EXOC6B: variants seen among roughly 807,000 people sequenced by gnomAD.
The protein encoded by EXOC6B is exocyst complex component 6B, also known as SEC15 homolog B.
EXOC6B carries 54 observed loss-of-function variants against 113.5 expected under a neutral mutation model. That is an observed-to-expected ratio of 0.48 (90% confidence interval 0.38 to 0.60). The LOEUF (loss-of-function observed/expected upper bound fraction) is 0.60. Among genes scored for constraint, EXOC6B ranks in the 20% least tolerant of loss-of-function variants. The pLI is 0.00. For missense variants in EXOC6B, 797 were observed against 977.5 expected (o/e 0.82, Z 2.46); for synonymous variants, 357 against 339.0 (o/e 1.05, Z -0.58).
chr2:72,664,800 T>C (rs1013616709), intron 6 of EXOC6B, among the ~76,000 whole-genome samples: 7 of 152,306 alleles, frequency 4.6e-5, no homozygotes, highest in African/African-American at 1.2e-4. Flanking sequence ...TAGCCTCTAT[T>C]GTGCAGCCTG....
intron 1 of EXOC6B, among the ~76,000 whole-genome samples, chr2:72,768,480 G>A (rs187755706): frequency 8.6e-5 from 13 of 151,558 alleles, no homozygotes; most frequent in Non-Finnish European, 1.5e-4. Flanking sequence ...CTTTCTCCCC[G>A]GCTAATTTTG....
chr2:72,724,700 T>A (rs571770520), intron 5 of EXOC6B, among the ~76,000 whole-genome samples: 58 of 152,008 alleles, frequency 3.8e-4, no homozygotes, highest in African/African-American at 1.4e-3. Flanking sequence ...TACATGTATG[T>A]AAAGAAAAAC....
chr2:72,769,618 C>G (rs543908130), intron 1 of EXOC6B, among the ~76,000 whole-genome samples: 104 of 152,302 alleles, frequency 6.8e-4, no homozygotes, highest in African/African-American at 2.4e-3. Flanking sequence ...TCGAGACCAG[C>G]CTGGCCAACA....
chr2:72,328,469 G>C (rs1347899216), intron 20 of EXOC6B, among the ~76,000 whole-genome samples: 2 of 151,946 alleles, frequency 1.3e-5, no homozygotes, highest in Non-Finnish European at 2.9e-5. Context: ...CACCTGAAGA[G>C]AGACTATGGG....
chr2:72,482,998 C>G (rs1573225822), intron 16 of EXOC6B, among the ~76,000 whole-genome samples: 1 of 152,276 alleles, frequency 6.6e-6, no homozygotes, highest in East Asian at 1.9e-4. Flanking sequence ...CATCAGCTCT[C>G]CTTTCCATTC....
At chr2:72,507,300 G>C (rs902174296) in intron 11 of EXOC6B, among the ~76,000 whole-genome samples, 2 of 152,050 alleles carry the variant, frequency 1.3e-5, no homozygotes, top group African/African-American at 4.8e-5. Flanking sequence ...GTGAGCATTT[G>C]TGGTACCAAC....
intron 20 of EXOC6B, among the ~76,000 whole-genome samples, chr2:72,301,113 T>G (rs1181292662): frequency 1.3e-5 from 2 of 151,312 alleles, no homozygotes; most frequent in African/African-American, 4.9e-5. Context: ...TGTGATTTTT[T>G]GCCTTTAGTT....
At chr2:72,723,215 A>G (rs573728275) in intron 5 of EXOC6B, among the ~76,000 whole-genome samples, 1 of 152,306 alleles carries the variant, frequency 6.6e-6, no homozygotes, top group East Asian at 1.9e-4. Flanking sequence ...TCAAAAGGCA[A>G]ATTCCTAAGT....
At chr2:72,514,795 G>T in intron 9 of EXOC6B, 115 bp from the exon 10 acceptor site, 1 of 658,662 alleles carries the variant, frequency 1.5e-6, no homozygotes, top group Non-Finnish European at 2.6e-6. Context: ...ATCTGATAAG[G>T]TAAAAATAAT....
chr2:72,585,373 G>A (rs1705492192), intron 6 of EXOC6B, among the ~76,000 whole-genome samples: 1 of 152,132 alleles, frequency 6.6e-6, no homozygotes, highest in Non-Finnish European at 1.5e-5. Flanking sequence ...CAAGGCAGGT[G>A]GATCACCTGA....
At chr2:72,289,959 C>A (rs1020099409) in intron 20 of EXOC6B, among the ~76,000 whole-genome samples, 1 of 152,208 alleles carries the variant, frequency 6.6e-6, no homozygotes, top group African/African-American at 2.4e-5. Context: ...GAAAAAACCA[C>A]AAAGGTTGAC....
chr2:72,689,855 C>T (rs1305141505), intron 6 of EXOC6B, among the ~76,000 whole-genome samples: 1 of 152,168 alleles, frequency 6.6e-6, no homozygotes. Flanking sequence ...AAGAGACTGT[C>T]GAAAGCATAC....
intron 20 of EXOC6B, among the ~76,000 whole-genome samples, chr2:72,276,259 C>T (rs1684804825): frequency 6.6e-6 from 1 of 152,194 alleles, no homozygotes; most frequent in South Asian, 2.1e-4. Flanking sequence ...CAAAAGCAGC[C>T]TTGTATTAAA....
At chr2:72,789,988 A>C (rs939279613) in intron 1 of EXOC6B, among the ~76,000 whole-genome samples, 3 of 152,102 alleles carry the variant, frequency 2.0e-5, no homozygotes, top group African/African-American at 7.2e-5. Context: ...TCTATTCATA[A>C]ATTTTACCAA....
rs530082421 is a variant in EXOC6B at position 72,224,830 on chromosome 2, ATGTG to A, written c.2197-40647_2197-40644del. ...TGTGTGTGTGTGTGTGCGTGTGTGT[ATGTG>A]TGTATGTGTGTGTATATATATATAT... On this transcript the variant is annotated intron_variant, in intron 20 of 21. Coordinates refer to ENST00000272427, the MANE Select transcript of EXOC6B (RefSeq NM_015189.3). Among the ~76,000 whole-genome samples, 38 of 144,264 alleles carry A rather than the reference ATGTG, an allele frequency of 2.6e-4. No individual in the cohort carries two copies. The South Asian group carries it at 8.2e-3, about 31-fold the overall frequency. The allele number at this position is 144,264 out of a possible 152,430, so 94.6% of individuals were successfully genotyped here. A position where few individuals can be genotyped will look rare whatever the true frequency, so the allele number is the denominator to read the frequency against.
At chr2:72,600,436 T>A (rs1670342503) in intron 6 of EXOC6B, among the ~76,000 whole-genome samples, 1 of 69,948 alleles carries the variant, frequency 1.4e-5, no homozygotes. Context: ...AGTGAGACCT[T>A]ATCTCAAAAA....
chr2:72,382,248 T>C (rs1377354547), intron 18 of EXOC6B, among the ~76,000 whole-genome samples: 1 of 152,212 alleles, frequency 6.6e-6, no homozygotes, highest in Non-Finnish European at 1.5e-5. Context: ...AACTGTGAAC[T>C]TTCAGAGGGG....
intron 20 of EXOC6B, among the ~76,000 whole-genome samples, chr2:72,222,252 GC>G (rs1380168649): frequency 1.5e-4 from 23 of 152,304 alleles, no homozygotes; most frequent in Admixed American, 2.0e-4. Context: ...ACTCTACACT[GC>G]TCTAGGAAAA....
At chr2:72,554,687 G>T (rs531386103) in intron 8 of EXOC6B, among the ~76,000 whole-genome samples, 1 of 152,262 alleles carries the variant, frequency 6.6e-6, no homozygotes, top group Non-Finnish European at 1.5e-5. Context: ...CCCAGTCTCA[G>T]GTAGTGTTCT....
Sources: allele counts gnomAD v4.1 joint callset (sites outside exome capture counted in the v4.1 genomes callset), GRCh38; gene constraint gnomAD v4.1.1; transcripts MANE v1.5; gene names NCBI Gene and HGNC (gene_info 2026-07-23, HGNC 2026-07-21).